SPMIP2: variants seen among roughly 807,000 people sequenced by gnomAD.
SPMIP2 encodes protein SPMIP2.
At chr4:158,918,241 C>T in the SPMIP2 span, among the ~76,000 whole-genome samples, 12 of 152,274 alleles carry the variant, frequency 7.9e-5, no homozygotes, top group East Asian at 2.1e-3. Flanking sequence ...ACAGGAAGGG[C>T]GCCTGCCTTC....
the SPMIP2 span, among the ~76,000 whole-genome samples, chr4:158,927,490 TCTGTCACC>T: frequency 3.3e-5 from 5 of 152,386 alleles, no homozygotes; most frequent in South Asian, 1.0e-3. Context: ...AGGGTCTCAC[TCTGTCACC>T]CAGGCTGCAG....
the SPMIP2 span, among the ~76,000 whole-genome samples, chr4:159,004,699 G>A: frequency 1.3e-5 from 2 of 152,044 alleles, no homozygotes; most frequent in Non-Finnish European, 2.9e-5. Flanking sequence ...CACCTAACAT[G>A]GTTGTTCTAT....
chr4:158,953,169 A>G, the SPMIP2 span, among the ~76,000 whole-genome samples: 1 of 152,252 alleles, frequency 6.6e-6, no homozygotes, highest in Non-Finnish European at 1.5e-5. Flanking sequence ...AGAGGTCTTC[A>G]TGACAGCCCC....
the SPMIP2 span, among the ~76,000 whole-genome samples, chr4:158,951,397 A>G: frequency 5.3e-5 from 8 of 152,342 alleles, no homozygotes; most frequent in East Asian, 1.9e-4. Context: ...AATATTGTAG[A>G]CAATTGTAAC....
the SPMIP2 span, among the ~76,000 whole-genome samples, chr4:159,074,724 AAGG>A: frequency 6.6e-6 from 1 of 152,128 alleles, no homozygotes; most frequent in Non-Finnish European, 1.5e-5. Flanking sequence ...TGACCAGAAG[AAGG>A]AGGATATTGA....
the SPMIP2 span, among the ~76,000 whole-genome samples, chr4:158,959,372 G>C: frequency 6.6e-6 from 1 of 152,166 alleles, no homozygotes; most frequent in Non-Finnish European, 1.5e-5. Context: ...ATGCTTTAAA[G>C]TATATCTGTT....
chr4:159,020,484 T>C, the SPMIP2 span, among the ~76,000 whole-genome samples: 2 of 152,178 alleles, frequency 1.3e-5, no homozygotes, highest in African/African-American at 2.4e-5. Context: ...TTGTGTCCAG[T>C]GGAGATGTGA....
the SPMIP2 span, among the ~76,000 whole-genome samples, chr4:158,914,589 CTAT>C: frequency 6.6e-6 from 1 of 152,146 alleles, no homozygotes; most frequent in Non-Finnish European, 1.5e-5. Context: ...AGACAGAAAG[CTAT>C]TATTGGCGTA....
the SPMIP2 span, among the ~76,000 whole-genome samples, chr4:159,052,955 A>ATTTT: frequency 3.8e-5 from 5 of 132,056 alleles, no homozygotes; most frequent in East Asian, 2.3e-4. Flanking sequence ...TATTATTATT[A>ATTTT]TTTTTTTTTT....
At chr4:158,970,586 AAG>A in the SPMIP2 span, among the ~76,000 whole-genome samples, 1 of 152,048 alleles carries the variant, frequency 6.6e-6, no homozygotes, top group African/African-American at 2.4e-5. Context: ...CTTAGATGGA[AAG>A]AGAGAGCAGT....
the SPMIP2 span, among the ~76,000 whole-genome samples, chr4:158,960,513 C>A: frequency 6.6e-6 from 1 of 151,994 alleles, no homozygotes; most frequent in East Asian, 1.9e-4. Flanking sequence ...GATTCCTGAA[C>A]AGAGAGGAAA....
the SPMIP2 span, among the ~76,000 whole-genome samples, chr4:158,924,596 G>C: frequency 6.6e-6 from 1 of 152,024 alleles, no homozygotes; most frequent in Non-Finnish European, 1.5e-5. Context: ...TGGTTAGGCT[G>C]GTCTCAAACT....
chr4:159,001,616 A>C, the SPMIP2 span, among the ~76,000 whole-genome samples: 2 of 152,144 alleles, frequency 1.3e-5, no homozygotes, highest in African/African-American at 4.8e-5. Context: ...CTATTCCTGC[A>C]TTAGTTTGCT....
At chr4:158,943,858 C>T in the SPMIP2 span, among the ~76,000 whole-genome samples, 122 of 101,862 alleles carry the variant, frequency 1.2e-3, no homozygotes, top group Middle Eastern at 7.5e-3. Flanking sequence ...TTGACATTTT[C>T]TTTTTTTTTT....
At chr4:158,967,486 C>T in the SPMIP2 span, among the ~76,000 whole-genome samples, 9 of 152,286 alleles carry the variant, frequency 5.9e-5, no homozygotes, top group Middle Eastern at 3.4e-3. Flanking sequence ...GAGAACTAAA[C>T]ACGCACTCAT....
chr4:158,953,382 T>C, the SPMIP2 span, among the ~76,000 whole-genome samples: 1 of 152,214 alleles, frequency 6.6e-6, no homozygotes. Context: ...GTGTTGAGCC[T>C]GCGAGTACAC....
chr4:159,068,570 T>C, the SPMIP2 span, among the ~76,000 whole-genome samples: 1 of 151,334 alleles, frequency 6.6e-6, no homozygotes, highest in Non-Finnish European at 1.5e-5. Flanking sequence ...AAATGACGAG[T>C]TAATGGGTGC....
the SPMIP2 span, among the ~76,000 whole-genome samples, chr4:158,913,329 C>G: frequency 6.6e-6 from 1 of 152,102 alleles, no homozygotes; most frequent in East Asian, 1.9e-4. Flanking sequence ...ATCGAGCAAG[C>G]CTCCCACCTC....
chr4:158,932,722 T>C, the SPMIP2 span, among the ~76,000 whole-genome samples: 2 of 152,132 alleles, frequency 1.3e-5, no homozygotes, highest in Non-Finnish European at 2.9e-5. Flanking sequence ...TCAAGACAAG[T>C]CAAAAATGAC....
Sources: allele counts gnomAD v4.1 joint callset (sites outside exome capture counted in the v4.1 genomes callset), GRCh38; gene constraint gnomAD v4.1.1; transcripts MANE v1.5; gene names NCBI Gene and HGNC (gene_info 2026-07-23, HGNC 2026-07-21).